KPRP: variants seen among roughly 807,000 people sequenced by gnomAD.
KPRP encodes the protein keratinocyte proline rich protein.
For missense variants in KPRP, 820 were observed against 746.4 expected (o/e 1.10, Z -1.15); for synonymous variants, 282 against 276.9 (o/e 1.02, Z -0.18).
exon 1 of KPRP, chr1:152,761,991 G>A (rs922973361): frequency 6.0e-6 from 1 of 167,340 alleles, no homozygotes; most frequent in Non-Finnish European, 1.5e-5. Context: ...CTGTCCTGAT[G>A]CTCAACTGCA....
chr1:152,759,465 G>A (rs963497575), upstream of KPRP: 9 of 1,436,090 alleles, frequency 6.3e-6, no homozygotes, highest in South Asian at 1.5e-5. Context: ...GAGGGTGGAG[G>A]AAGAAAAGCT....
chr1:152,761,275 C>A (rs1391195917), exon 1 of KPRP: 1 of 1,614,144 alleles, frequency 6.2e-7, no homozygotes, highest in South Asian at 1.1e-5. Flanking sequence ...CCATGGAGAC[C>A]AAGGCAATGC....
At chr1:152,760,248 G>C (rs766415880) in exon 1 of KPRP, 2 of 1,614,082 alleles carry the variant, frequency 1.2e-6, no homozygotes, top group South Asian at 2.2e-5. Flanking sequence ...GTTTCCCTCA[G>C]TATCGGTCCC....
chr1:152,761,305 G>A lies in KPRP; in HGVS notation c.1717G>A (p.Glu573Lys), dbSNP rs761396577. Reference sequence around the variant, plus strand: ...CAATGCCTTTGCTGGAGTGAAAGGGGAAGCAAAGAGTGCTTATTTTTAAAG... The same window carrying A: ...CAATGCCTTTGCTGGAGTGAAAGGGAAAGCAAAGAGTGCTTATTTTTAAAG... The change falls in exon 1 of 1, where the codon GAA (glutamate) becomes AAA (lysine). Residue 573 changes from glutamate to lysine, a missense_variant. Coordinates refer to ENST00000606109, the Ensembl canonical transcript of KPRP. 113 of 1,613,552 alleles carry A rather than the reference G, an allele frequency of 7.0e-5. No homozygotes were observed. The highest frequency in any genetic ancestry group is 9.3e-5 in the Non-Finnish European group (110 of 1,179,728).
upstream of KPRP, chr1:152,759,432 G>A: frequency 1.5e-6 from 2 of 1,304,084 alleles, no homozygotes; most frequent in Non-Finnish European, 2.0e-6. Flanking sequence ...GTCGAACTAA[G>A]TCAGGACACT....
exon 1 of KPRP, chr1:152,760,850 G>T: frequency 6.2e-7 from 1 of 1,614,150 alleles, no homozygotes; most frequent in Non-Finnish European, 8.5e-7. Flanking sequence ...CCACGCCCGC[G>T]TCCTCTACCA....
chr1:152,761,179 G>T (rs1250513669), exon 1 of KPRP: 3 of 1,614,184 alleles, frequency 1.9e-6, no homozygotes, highest in Non-Finnish European at 2.5e-6. Flanking sequence ...TCCCTACTGT[G>T]GCCCATCCAG....
At chr1:152,761,005 T>C (rs577258922) in exon 1 of KPRP, 3 of 1,612,518 alleles carry the variant, frequency 1.9e-6, no homozygotes, top group South Asian at 2.2e-5. Context: ...CCCAGAGCCT[T>C]GTCCACGACC....
chr1:152,760,145 G>T, exon 1 of KPRP: 1 of 1,614,130 alleles, frequency 6.2e-7, no homozygotes, highest in Non-Finnish European at 8.5e-7. Context: ...CAGTATCAAG[G>T]CTCCTATAGC....
exon 1 of KPRP, chr1:152,760,049 T>G: frequency 6.2e-7 from 1 of 1,614,200 alleles, no homozygotes; most frequent in Non-Finnish European, 8.5e-7. Flanking sequence ...CAGAACTATG[T>G]ACCCTGTCCA....
chr1:152,758,764 A>C (rs1651017631), upstream of KPRP, among the ~76,000 whole-genome samples: 1 of 152,214 alleles, frequency 6.6e-6, no homozygotes. Context: ...GCCTCTAAGA[A>C]GAGCTGGGGA....
chr1:152,761,063 G>C lies in KPRP; in HGVS notation c.1475G>C (p.Arg492Thr), dbSNP rs146210910. 1.3e-4 allele frequency: 206 copies of C among 1,614,000 alleles called. No individual in the cohort carries two copies. In the African/African-American group the frequency reaches 2.2e-3, roughly 17 times the overall value. ...CCCTGCCCAAGCCCGGAGCCCTGCA[G>C]GGAGACTTGGCGCAGCCCCAGCCCA... Residue 492 changes from arginine (R) to threonine (T), a missense_variant, in exon 1 of 1, where the codon AGG becomes ACG. Transcript: ENST00000606109.
chr1:152,759,870 G>GA lies in KPRP; in HGVS notation c.284dup (p.Gln97ProfsTer20), dbSNP rs1446296812. On this transcript the variant is annotated frameshift_variant, in exon 1 of 1. Coordinates refer to ENST00000606109, the Ensembl canonical transcript of KPRP. LOFTEE classifies it low-confidence loss of function (END_TRUNC). Reference sequence around the variant, plus strand: ...AATGTCAGTCTAAGACCACCCAGGTGAAGGGCCAGGCTGCATCCCAATCTC... The same window carrying GA: ...AATGTCAGTCTAAGACCACCCAGGTGAAAGGGCCAGGCTGCATCCCAATCTC... The GA allele has an allele frequency of 1.9e-6, 3 of 1,614,030 alleles. No individual in the cohort carries two copies.
At chr1:152,761,159 A>G in exon 1 of KPRP, 2 of 1,614,150 alleles carry the variant, frequency 1.2e-6, no homozygotes, top group Non-Finnish European at 8.5e-7. Flanking sequence ...CACCGCCTAG[A>G]CACCGAAGCT....
exon 1 of KPRP, chr1:152,760,572 G>C: frequency 6.2e-7 from 1 of 1,609,330 alleles, no homozygotes; most frequent in Non-Finnish European, 8.5e-7. Context: ...GCCGAATCGA[G>C]ATTTCCTCCC....
At chr1:152,759,758 G>T (rs752266150) in exon 1 of KPRP, 9 of 1,614,038 alleles carry the variant, frequency 5.6e-6, no homozygotes, top group South Asian at 4.4e-5. Flanking sequence ...GTTCAAGTTT[G>T]CCAGGTGTCA....
exon 1 of KPRP, chr1:152,759,936 G>A (rs897184347): frequency 5.6e-6 from 9 of 1,614,104 alleles, no homozygotes; most frequent in Non-Finnish European, 6.8e-6. Context: ...GCCAATCTGA[G>A]GTGTCCTACG....
At chr1:152,758,506 G>C (rs1274795576), upstream of KPRP, among the ~76,000 whole-genome samples, 1 of 152,174 alleles carries the variant, frequency 6.6e-6, no homozygotes, top group Non-Finnish European at 1.5e-5. Context: ...TGAGCCTGTT[G>C]TCAAATGATC....
chr1:152,760,382 TC>T lies in KPRP; in HGVS notation c.799del (p.Arg267AlafsTer19). The T allele has an allele frequency of 6.2e-7, 1 of 1,613,898 alleles. No individual in the cohort carries two copies. The highest frequency in any genetic ancestry group is 8.5e-7 in the Non-Finnish European group (1 of 1,179,954). The stretch of plus-strand genomic sequence containing the variant: ...CCTCCTCCTCGGCGGCTGCAGCTTT[TC>T]CCCCGCAGCTGTTCCCCACCAAGAC... On this transcript the variant is annotated frameshift_variant, in exon 1 of 1. Transcript: ENST00000606109. LOFTEE classifies it low-confidence loss of function (END_TRUNC).
Sources: allele counts gnomAD v4.1 joint callset (sites outside exome capture counted in the v4.1 genomes callset), GRCh38; gene constraint gnomAD v4.1.1; transcripts MANE v1.5; gene names NCBI Gene and HGNC (gene_info 2026-07-23, HGNC 2026-07-21).